Variants in NTNG1 observed in about 807,000 individuals in gnomAD.
The protein encoded by NTNG1 is netrin-G1.
Under a neutral mutation model 54.0 loss-of-function variants are expected in NTNG1, and 16 were observed. That is an observed-to-expected ratio of 0.30 (90% CI 0.20 to 0.45). NTNG1 has a LOEUF of 0.45. Among genes scored for constraint, NTNG1 ranks in the 20% least tolerant of loss-of-function variants. The pLI is 1.00. For missense variants in NTNG1, 530 were observed against 678.7 expected (o/e 0.78, Z 2.43); for synonymous variants, 255 against 263.1 (o/e 0.97, Z 0.30).
At chr1:107,430,367 G>A (rs1264344828) in intron 5 of NTNG1, among the ~76,000 whole-genome samples, 1 of 152,068 alleles carries the variant, frequency 6.6e-6, no homozygotes, top group East Asian at 1.9e-4. Flanking sequence ...AGGCTGAAAA[G>A]ATGAAAACAA....
chr1:107,184,527 A>G (rs1316637489), intron 2 of NTNG1, among the ~76,000 whole-genome samples: 1 of 152,056 alleles, frequency 6.6e-6, no homozygotes, highest in Non-Finnish European at 1.5e-5. Flanking sequence ...TTTATGGTGT[A>G]TCTCTCATTT....
At chr1:107,404,966 CTGTT>C (rs1673310841) in intron 4 of NTNG1, among the ~76,000 whole-genome samples, 2 of 152,192 alleles carry the variant, frequency 1.3e-5, no homozygotes, top group South Asian at 4.1e-4. Flanking sequence ...GACATAGTCA[CTGTT>C]TGTTGTAAGA....
intron 3 of NTNG1, among the ~76,000 whole-genome samples, chr1:107,371,812 GT>G (rs1670936431): frequency 6.6e-6 from 1 of 152,028 alleles, no homozygotes; most frequent in Non-Finnish European, 1.5e-5. Flanking sequence ...GACAAGCTGA[GT>G]ATTACTTATC....
At chr1:107,458,970 T>G (rs1007698832) in intron 7 of NTNG1, among the ~76,000 whole-genome samples, 9 of 152,288 alleles carry the variant, frequency 5.9e-5, no homozygotes, top group African/African-American at 2.2e-4. Flanking sequence ...TCAAAACAGT[T>G]TAGAAAGTTG....
intron 2 of NTNG1, among the ~76,000 whole-genome samples, chr1:107,304,464 T>C (rs1412929404): frequency 6.6e-6 from 1 of 152,202 alleles, no homozygotes. Context: ...ATCAACCTCC[T>C]ACATGGTAGA....
intron 4 of NTNG1, among the ~76,000 whole-genome samples, chr1:107,400,505 G>A (rs983651337): frequency 6.6e-6 from 1 of 152,070 alleles, no homozygotes; most frequent in African/African-American, 2.4e-5. Flanking sequence ...GACACAGAAA[G>A]GTTAAGTTGT....
chr1:107,470,212 A>T (rs1452487614), intron 7 of NTNG1, among the ~76,000 whole-genome samples: 1 of 152,212 alleles, frequency 6.6e-6, no homozygotes, highest in African/African-American at 2.4e-5. Context: ...AGTAACACAA[A>T]TACTGAAATT....
At chr1:107,213,124 C>T (rs1361891250) in intron 2 of NTNG1, among the ~76,000 whole-genome samples, 1 of 151,518 alleles carries the variant, frequency 6.6e-6, no homozygotes, top group African/African-American at 2.4e-5. Flanking sequence ...TCATGAAATA[C>T]CATAGTTAAT....
At chr1:107,475,509 C>G (rs927651262) in intron 7 of NTNG1, among the ~76,000 whole-genome samples, 1 of 152,152 alleles carries the variant, frequency 6.6e-6, no homozygotes, top group Non-Finnish European at 1.5e-5. Context: ...AAGGGTCTGT[C>G]TTAGATCCCA....
chr1:107,339,268 T>A (rs1473003878), intron 3 of NTNG1, among the ~76,000 whole-genome samples: 2 of 152,024 alleles, frequency 1.3e-5, no homozygotes, highest in African/African-American at 4.8e-5. Flanking sequence ...CAGGTTACAA[T>A]CTATCAGACA....
rs141382845 is a variant in NTNG1, at chr1:107,475,540, G to A, written c.1391-5071G>A. On this transcript the variant is annotated intron_variant, in intron 7 of 7. Transcript: ENST00000370068. ...TCCCAGTCTCCTATATTTACTCCCTGAAGAAGATAATCCACTCTTACATTT... is the reference window on the plus strand; with the variant it reads ...TCCCAGTCTCCTATATTTACTCCCTAAAGAAGATAATCCACTCTTACATTT... 1.6e-3 allele frequency among the ~76,000 whole-genome samples: 251 copies of A among 152,226 alleles called. 2 individuals carry two copies. In the South Asian group the frequency reaches 0.026, roughly 16 times the overall value.
At chr1:107,285,214 A>G (rs575181484) in intron 2 of NTNG1, among the ~76,000 whole-genome samples, 131 of 152,294 alleles carry the variant, frequency 8.6e-4, no homozygotes, top group African/African-American at 3.1e-3. Context: ...ATTATGCTCT[A>G]TAATTTGAGA....
chr1:107,414,795 A>G (rs1239366423), intron 5 of NTNG1, among the ~76,000 whole-genome samples: 2 of 152,178 alleles, frequency 1.3e-5, no homozygotes, highest in Non-Finnish European at 2.9e-5. Flanking sequence ...AGTAGCAGAC[A>G]GTGTCATTAT....
At chr1:107,464,140 T>TA (rs1398358373) in intron 7 of NTNG1, among the ~76,000 whole-genome samples, 3 of 152,180 alleles carry the variant, frequency 2.0e-5, no homozygotes, top group Non-Finnish European at 4.4e-5. Flanking sequence ...TTTACACCCT[T>TA]AAAAAAACCT....
At chr1:107,436,917 A>C in intron 7 of NTNG1, 118 bp downstream of exon 7, 1 of 924,968 alleles carries the variant, frequency 1.1e-6, no homozygotes, top group Non-Finnish European at 1.6e-6. Context: ...ACAAGTTTTA[A>C]AAGCTACTTA....
At chr1:107,166,350 A>G (rs1343351083) in intron 2 of NTNG1, among the ~76,000 whole-genome samples, 2 of 152,176 alleles carry the variant, frequency 1.3e-5, no homozygotes, top group African/African-American at 4.8e-5. Context: ...TCTGTGAATT[A>G]ATGTAAATCC....
rs77886827 is a variant in NTNG1, at chr1:107,195,150, A to G, written c.246+46311A>G. Among the ~76,000 whole-genome samples the G allele has an allele frequency of 8.5e-3, 1,290 of 152,122 alleles. 13 individuals carry two copies. Among genetic ancestry groups the G allele is most frequent in the African/African-American group, 0.029 (1,224 of 41,540 alleles). On this transcript the variant is annotated intron_variant, in intron 2 of 7. Coordinates refer to ENST00000370068, the MANE Select transcript of NTNG1 (RefSeq NM_001113226.3). ...AGATTGGTGTTTAAATTCCACTGCG[A>G]CCATTTGTGTTTTCTATGTTAAGCT...
chr1:107,460,113 C>T (rs1391897255), intron 7 of NTNG1, among the ~76,000 whole-genome samples: 5 of 152,126 alleles, frequency 3.3e-5, no homozygotes, highest in African/African-American at 7.2e-5. Context: ...GTTCTCAGTG[C>T]AACGAGCATG....
At chr1:107,395,783 G>T (rs1672645669) in intron 4 of NTNG1, among the ~76,000 whole-genome samples, 1 of 152,140 alleles carries the variant, frequency 6.6e-6, no homozygotes, top group Non-Finnish European at 1.5e-5. Context: ...CCCCACTACA[G>T]TTTTAGCTAG....
Sources: allele counts gnomAD v4.1 joint callset (sites outside exome capture counted in the v4.1 genomes callset), GRCh38; gene constraint gnomAD v4.1.1; transcripts MANE v1.5; gene names NCBI Gene and HGNC (gene_info 2026-07-23, HGNC 2026-07-21).